Variants in ARHGEF12 observed in about 807,000 individuals in gnomAD.
ARHGEF12 encodes KMT2A/ARHGEF12 fusion protein.
A neutral mutation model predicts 211.2 loss-of-function variants in ARHGEF12; 66 were observed. The ratio of observed to expected loss-of-function variants is 0.31; its 90% confidence interval spans 0.26 to 0.38. The LOEUF is 0.38. Ranked by LOEUF, ARHGEF12 falls within the 10% of genes least tolerant of loss-of-function variation. The pLI, the probability that ARHGEF12 is intolerant of heterozygous loss-of-function variation, is 1.00. For synonymous variants in ARHGEF12, 592 were observed against 638.4 expected (o/e 0.93, Z 1.09); for missense variants, 1,429 against 1,869.5 (o/e 0.76, Z 4.34).
chr11:120,442,433 C>T lies in ARHGEF12; in HGVS notation c.1302+231C>T, dbSNP rs541621007. Among the ~76,000 whole-genome samples, 442 of 129,884 alleles carry T rather than the reference C, an allele frequency of 3.4e-3. 1 individual carries two copies. The highest frequency in any genetic ancestry group is 0.01 in the African/African-American group (368 of 35,810). The allele number at this position is 129,884 out of a possible 152,430, so 85.2% of individuals were successfully genotyped here. A position where few individuals can be genotyped will look rare whatever the true frequency, so the allele number is the denominator to read the frequency against. On this transcript the variant is annotated intron_variant, in intron 15 of 40. Transcript: ENST00000397843. ...GGGATTATATATATATATATACACA[C>T]ACACACACACACACACACACACATA...
chr11:120,402,888 G>A (rs4245213), intron 1 of ARHGEF12, among the ~76,000 whole-genome samples: 59,759 of 152,000 alleles, frequency 0.39, 11,959 homozygotes, highest in African/African-American at 0.43. Context: ...AAGTCCAAAA[G>A]AAATTCTGTT....
intron 1 of ARHGEF12, among the ~76,000 whole-genome samples, chr11:120,372,022 T>C (rs1943602473): frequency 1.3e-5 from 2 of 152,240 alleles, no homozygotes; most frequent in South Asian, 4.1e-4. Flanking sequence ...GTTATTTAGA[T>C]AGCTTATGAT....
rs371146162 is a variant in ARHGEF12, at chr11:120,337,027, G to A, written c.-217G>A. On this transcript the variant is annotated 5_prime_UTR_variant, in exon 1 of 41. Coordinates refer to ENST00000397843, the MANE Select transcript of ARHGEF12 (RefSeq NM_015313.3). The stretch of plus-strand genomic sequence containing the variant: ...TCACTCTGGACTGACTCGCTCCCTG[G>A]CTTTCTCAGTTCGTTTTGGGAGATA... The A allele has an allele frequency of 4.9e-6, 3 of 609,080 alleles. No homozygotes were observed. Among genetic ancestry groups the A allele is most frequent in the Admixed American group, 2.8e-5 (1 of 35,100 alleles). 37.7% of individuals were successfully genotyped at this position (609,080 alleles called of 1,614,324 possible). A position where few individuals can be genotyped will look rare whatever the true frequency, so the allele number is the denominator to read the frequency against.
intron 1 of ARHGEF12, among the ~76,000 whole-genome samples, chr11:120,392,377 T>C (rs1212904547): frequency 6.6e-6 from 1 of 152,204 alleles, no homozygotes; most frequent in Non-Finnish European, 1.5e-5. Flanking sequence ...TGAAATTCTT[T>C]GGTACAATTA....
At chr11:120,454,458 A>G (rs1243601216) in intron 22 of ARHGEF12, among the ~76,000 whole-genome samples, 1 of 152,206 alleles carries the variant, frequency 6.6e-6, no homozygotes, top group African/African-American at 2.4e-5. Context: ...GAGACAAAAT[A>G]TTTTTAATAC....
chr11:120,352,072 A>G (rs193188164), intron 1 of ARHGEF12, among the ~76,000 whole-genome samples: 188 of 152,334 alleles, frequency 1.2e-3, no homozygotes, highest in Middle Eastern at 3.4e-3. Flanking sequence ...GTCTTCAACA[A>G]TACCATTAAA....
intron 23 of ARHGEF12, 156 bp from the exon 24 acceptor site, chr11:120,457,565 A>C: frequency 1.9e-6 from 1 of 529,266 alleles, no homozygotes; most frequent in Non-Finnish European, 3.1e-6. Context: ...AAAGGTACTC[A>C]AATTTTCTTC....
intron 15 of ARHGEF12, among the ~76,000 whole-genome samples, chr11:120,445,018 A>T (rs1946001893): frequency 6.6e-6 from 1 of 152,230 alleles, no homozygotes; most frequent in African/African-American, 2.4e-5. Context: ...AAGAAAAATC[A>T]TGGCTATATG....
At chr11:120,423,986 T>G (rs1945272043) in intron 6 of ARHGEF12, among the ~76,000 whole-genome samples, 1 of 152,296 alleles carries the variant, frequency 6.6e-6, no homozygotes, top group East Asian at 1.9e-4. Context: ...TAAAAATTAT[T>G]TTTTATTATT....
rs1947196283 is a variant in ARHGEF12 at position 120,480,342 on chromosome 11, T to C, written c.4149T>C (p.Asp1383=). 1 of 1,614,208 alleles carries C rather than the reference T, an allele frequency of 6.2e-7. No individual in the cohort carries two copies. Among genetic ancestry groups the C allele is most frequent in the Non-Finnish European group, 8.5e-7 (1 of 1,180,040 alleles). The change falls in exon 38 of 41, where the codon GAT becomes GAC. Residue 1383 remains aspartate (D), a synonymous_variant. Transcript: ENST00000397843. ...ATGACAGTGGAGAGCACTTTTTTGA[T>C]GCCCGTGAAGCACATAGTGATGAGA... ...GLDDSGEHFF[D]AREAHSDENP... is the part of the protein sequence containing the mutation.
chr11:120,346,923 G>A (rs201175265), intron 1 of ARHGEF12, among the ~76,000 whole-genome samples: 34 of 152,242 alleles, frequency 2.2e-4, no homozygotes, highest in Non-Finnish European at 4.6e-4. Context: ...AAGTCTGAAC[G>A]TGTGACTTCT....
chr11:120,405,483 C>G (rs1360114555), intron 1 of ARHGEF12, among the ~76,000 whole-genome samples: 1 of 152,074 alleles, frequency 6.6e-6, no homozygotes, highest in African/African-American at 2.4e-5. Context: ...CCTTTGTTTT[C>G]TACTTTTGGA....
chr11:120,442,272 T>G, intron 15 of ARHGEF12, 70 bp downstream of exon 15: 1 of 1,168,842 alleles, frequency 8.6e-7, no homozygotes, highest in Non-Finnish European at 1.2e-6. Flanking sequence ...GCTTCCTATC[T>G]TCCCTCCCAT....
At position 120,409,361 on chromosome 11, in the gene ARHGEF12, A is replaced by G. The variant is rs373958658; in HGVS notation, c.143-33A>G. 16 of 1,609,790 alleles carry G rather than the reference A, an allele frequency of 9.9e-6. No homozygotes were observed. The African/African-American group carries it at 1.6e-4, about 16-fold the overall frequency. ...CCCTTACATTGTCTCCATATTTTCT[A>G]TATCTCTCTCCTTTTCTCCCGCTCT... is the stretch of plus-strand genomic sequence containing the variant. On this transcript the variant is annotated intron_variant, in intron 3 of 40. Coordinates refer to ENST00000397843, the MANE Select transcript of ARHGEF12 (RefSeq NM_015313.3).
At position 120,459,168 on chromosome 11, in the gene ARHGEF12, G is replaced by A; in HGVS notation, c.2381-6G>A. 6.2e-7 allele frequency: 1 copy of A among 1,603,342 alleles called. No individual in the cohort carries two copies. Among genetic ancestry groups the A allele is most frequent in the South Asian group, 1.1e-5 (1 of 88,824 alleles). On this transcript the variant is annotated splice_region_variant and splice_polypyrimidine_tract_variant and intron_variant, in intron 25 of 40. Transcript: ENST00000397843. ...AGGCAACATTTCATATCTCTTTCCT[G>A]TTCAGAATTGTTCTACACTGAAAGA...
In ARHGEF12 at chr11:120,373,049, A is replaced by G. The variant is rs557398652; in HGVS notation, c.33-33069A>G. ...TTTTTTCTTAGAAGTAATTTTTTCT[A>G]AGTATAACAATGCTTTAAAATAACC... is the stretch of plus-strand genomic sequence containing the variant. On this transcript the variant is annotated intron_variant, in intron 1 of 40. Transcript: ENST00000397843. Among the ~76,000 whole-genome samples, 12 of 152,274 alleles carry G rather than the reference A, an allele frequency of 7.9e-5. 1 individual carries two copies. In the East Asian group the frequency reaches 2.3e-3, roughly 29 times the overall value.
intron 15 of ARHGEF12, among the ~76,000 whole-genome samples, chr11:120,444,183 C>T (rs1287851659): frequency 2.0e-5 from 3 of 152,134 alleles, no homozygotes; most frequent in African/African-American, 7.2e-5. Context: ...ATCCTACTCC[C>T]ATTGTTTAAA....
At chr11:120,383,919 G>A (rs1458343103) in intron 1 of ARHGEF12, among the ~76,000 whole-genome samples, 1 of 152,096 alleles carries the variant, frequency 6.6e-6, no homozygotes, top group Non-Finnish European at 1.5e-5. Context: ...TGATAGAGAT[G>A]TTGAGACATG....
chr11:120,380,603 T>C (rs1943851401), intron 1 of ARHGEF12, among the ~76,000 whole-genome samples: 1 of 152,206 alleles, frequency 6.6e-6, no homozygotes. Context: ...TTTCCTCTCA[T>C]CAGGGGTGCA....
Sources: allele counts gnomAD v4.1 joint callset (sites outside exome capture counted in the v4.1 genomes callset), GRCh38; gene constraint gnomAD v4.1.1; transcripts MANE v1.5; gene names NCBI Gene and HGNC (gene_info 2026-07-23, HGNC 2026-07-21).